The following DACH2 variants were observed in gnomAD, a reference collection of about 807,000 sequenced individuals.
The protein encoded by DACH2 is dachshund homolog 2.
In DACH2, 17 loss-of-function variants were observed where a neutral mutation model predicts 35.8. The ratio of observed to expected loss-of-function variants is 0.48; its 90% confidence interval spans 0.33 to 0.71. The LOEUF (loss-of-function observed/expected upper bound fraction) is 0.71, where lower values mean the gene tolerates loss of function less well. Ranked by LOEUF, DACH2 falls within the 30% of genes least tolerant of loss-of-function variation. The pLI is 0.02. For synonymous variants in DACH2, 195 were observed against 177.3 expected (o/e 1.10, Z -0.79); for missense variants, 469 against 472.7 (o/e 0.99, Z 0.07).
intron 2 of DACH2, among the ~76,000 whole-genome samples, chrX:86,487,279 G>A (rs1056712799): frequency 3.0e-4 from 34 of 111,541 alleles, no homozygotes; most frequent in African/African-American, 8.8e-4. Flanking sequence ...TCATTTCAAC[G>A]CTAGCAAAAG....
At chrX:86,359,127 G>C (rs1035623158) in intron 1 of DACH2, among the ~76,000 whole-genome samples, 7 of 108,669 alleles carry the variant, frequency 6.4e-5, no homozygotes, top group African/African-American at 2.4e-4. Context: ...GTGTGTGCAT[G>C]TGTGTATTTA....
At chrX:86,150,288 T>A (rs1408298426) in intron 1 of DACH2, among the ~76,000 whole-genome samples, 1 of 112,037 alleles carries the variant, frequency 8.9e-6, no homozygotes, top group Non-Finnish European at 1.9e-5. Flanking sequence ...GCACTACTGC[T>A]TATTATTTTG....
intron 1 of DACH2, among the ~76,000 whole-genome samples, chrX:86,311,093 T>C (rs770931036): frequency 2.9e-4 from 32 of 111,876 alleles, no homozygotes; most frequent in Non-Finnish European, 2.4e-4. Flanking sequence ...CTTTGGGTAA[T>C]CAGCCAGCTA....
rs751559427 is a variant in DACH2 at position 86,547,524 on chromosome X, A to AACACACAC, written c.640+33170_640+33177dup. On this transcript the variant is annotated intron_variant, in intron 3 of 11. Transcript: ENST00000373125. The stretch of plus-strand genomic sequence containing the variant: ...GAAAATGAAACCTAACGTGCTGCAG[A>AACACACAC]ACACACACACACACACACACACACA... 1.0e-3 allele frequency among the ~76,000 whole-genome samples: 91 copies of AACACACAC among 90,853 alleles called. 2 individuals carry two copies. Among genetic ancestry groups the AACACACAC allele is most frequent in the Admixed American group, 2.5e-3 (20 of 7,981 alleles). 78.9% of individuals were successfully genotyped at this position (90,853 alleles called of 115,157 possible).
intron 7 of DACH2, among the ~76,000 whole-genome samples, chrX:86,769,494 A>G (rs1017835767): frequency 7.1e-5 from 8 of 112,273 alleles, no homozygotes; most frequent in Non-Finnish European, 1.3e-4. Context: ...GCAATTTTAA[A>G]CAAAAAGAAA....
intron 3 of DACH2, among the ~76,000 whole-genome samples, chrX:86,643,864 C>A (rs2040380444): frequency 9.0e-6 from 1 of 111,270 alleles, no homozygotes. Flanking sequence ...AGACAAAAAC[C>A]AAATGATTAT....
intron 3 of DACH2, among the ~76,000 whole-genome samples, chrX:86,612,949 C>G (rs2039963287): frequency 8.9e-6 from 1 of 112,243 alleles, no homozygotes; most frequent in African/African-American, 3.2e-5. Context: ...TTGAAATAGG[C>G]TTTTAAAGTT....
intron 1 of DACH2, among the ~76,000 whole-genome samples, chrX:86,255,140 G>A (rs1396084223): frequency 9.1e-6 from 1 of 110,346 alleles, no homozygotes; most frequent in Non-Finnish European, 1.9e-5. Flanking sequence ...TTCTCCTTTC[G>A]AGAATGAAAT....
intron 2 of DACH2, among the ~76,000 whole-genome samples, chrX:86,419,858 C>T (rs1413350568): frequency 1.8e-5 from 2 of 111,404 alleles, no homozygotes; most frequent in Admixed American, 9.6e-5. Flanking sequence ...GTAGCATGGT[C>T]CAATAGAAAG....
intron 1 of DACH2, among the ~76,000 whole-genome samples, chrX:86,177,755 A>C (rs1602256884): frequency 9.0e-6 from 1 of 111,365 alleles, no homozygotes; most frequent in Non-Finnish European, 1.9e-5. Flanking sequence ...AACATCTGCT[A>C]TTAAGACTCT....
rs555925486 is a variant in DACH2, at chrX:86,594,994, A to T, written c.641-56042A>T. Among the ~76,000 whole-genome samples the T allele has an allele frequency of 1.2e-4, 13 of 111,842 alleles. No homozygotes were observed. The South Asian group carries it at 4.8e-3, about 41-fold the overall frequency. On this transcript the variant is annotated intron_variant, in intron 3 of 11. Transcript: ENST00000373125. ...TCACCTTCAGAATTGTTATGTTTTC[A>T]TAGCAAATTGACTCCTTTATCATTT...
chrX:86,372,476 C>T (rs1052833087), intron 1 of DACH2, among the ~76,000 whole-genome samples: 3 of 110,335 alleles, frequency 2.7e-5, no homozygotes, highest in Non-Finnish European at 5.7e-5. Flanking sequence ...ATAAATTCAA[C>T]ATAAATTCAT....
rs138171220 is a variant in DACH2 at position 86,253,562 on chromosome X, A to G, written c.488+104454A>G. Among the ~76,000 whole-genome samples, 55 of 112,362 alleles carry G rather than the reference A, an allele frequency of 4.9e-4. No homozygotes were observed. In the East Asian group the frequency reaches 0.014, roughly 29 times the overall value. ...TTTGCCATCTAAATAGCTCCAGCAT[A>G]CAAAGTTCTAAACCATTTTTGACAG... On this transcript the variant is annotated intron_variant, in intron 1 of 11. Transcript: ENST00000373125.
At chrX:86,507,616 A>C (rs1359483716) in intron 2 of DACH2, among the ~76,000 whole-genome samples, 1 of 111,720 alleles carries the variant, frequency 9.0e-6, no homozygotes, top group Non-Finnish European at 1.9e-5. Context: ...AGCATGTAGT[A>C]AATTCACTAG....
intron 1 of DACH2, among the ~76,000 whole-genome samples, chrX:86,216,553 G>A (rs2032577231): frequency 1.8e-5 from 2 of 110,622 alleles, no homozygotes; most frequent in East Asian, 2.8e-4. Context: ...CCTTTTTTAT[G>A]GCTGCATAGT....
intron 2 of DACH2, among the ~76,000 whole-genome samples, chrX:86,379,665 A>G (rs2036018311): frequency 9.0e-6 from 1 of 111,066 alleles, no homozygotes; most frequent in Non-Finnish European, 1.9e-5. Flanking sequence ...AAAGAAAGAG[A>G]AAGAATTGAA....
intron 2 of DACH2, among the ~76,000 whole-genome samples, chrX:86,471,204 C>T (rs1225640991): frequency 1.8e-5 from 2 of 111,607 alleles, no homozygotes; most frequent in Non-Finnish European, 3.8e-5. Flanking sequence ...AGTTAGACCA[C>T]TGACAATGCT....
At chrX:86,392,346 A>G (rs983469646) in intron 2 of DACH2, among the ~76,000 whole-genome samples, 1 of 111,856 alleles carries the variant, frequency 8.9e-6, no homozygotes, top group Non-Finnish European at 1.9e-5. Context: ...GTCCACAAAG[A>G]TACCAACTAT....
intron 1 of DACH2, among the ~76,000 whole-genome samples, chrX:86,207,540 C>T (rs2147910038): frequency 9.1e-6 from 1 of 109,748 alleles, no homozygotes; most frequent in South Asian, 3.9e-4. Context: ...TATAAACAAT[C>T]TAGTAGAAAA....
Sources: gnomAD v4.1 joint callset for allele counts (sites outside exome capture counted in the v4.1 genomes callset) on GRCh38, gnomAD v4.1.1 for gene constraint, MANE v1.5 for transcripts, NCBI Gene and HGNC (gene_info 2026-07-23, HGNC 2026-07-21) for gene names.